Variants in HGF observed in about 807,000 individuals in gnomAD.
The protein encoded by HGF is fibroblast-derived tumor cytotoxic factor.
HGF carries 39 observed loss-of-function variants against 111.6 expected under a neutral mutation model. The observed-to-expected ratio is 0.35, with a 90% CI of 0.27 to 0.46. The LOEUF (loss-of-function observed/expected upper bound fraction) is 0.46, where lower values mean the gene tolerates loss of function less well. Ranked by LOEUF, HGF falls within the 20% of genes least tolerant of loss-of-function variation. The pLI is 1.00. For synonymous variants in HGF, 285 were observed against 294.8 expected, an observed-to-expected ratio of 0.97 and a Z score of 0.34; for missense variants, 735 against 910.5, an observed-to-expected ratio of 0.81 and a Z score of 2.48.
intron 6 of HGF, among the ~76,000 whole-genome samples, chr7:81,744,284 A>T (rs923627980): frequency 2.8e-5 from 4 of 142,098 alleles, no homozygotes; most frequent in Admixed American, 7.5e-5. Context: ...TGTAAAATAC[A>T]TGGGCAAAAG....
intron 2 of HGF, among the ~76,000 whole-genome samples, chr7:81,759,250 G>T (rs1788940379): frequency 1.3e-5 from 2 of 152,084 alleles, no homozygotes. Context: ...TGAGATATCA[G>T]GAGTAATTTA....
Position 81,728,048 on chromosome 7 carries a change from T to TG in HGF, c.1040+1556dup, listed in dbSNP as rs1404921732. On this transcript the variant is annotated intron_variant, in intron 8 of 17. Transcript: ENST00000222390. Reference sequence around the variant, plus strand: ...ATTGCCATTTTTAAGGTCTCAGTACTGGGGCAAGTGGGCAAGTAATATTTC... The same window carrying TG: ...ATTGCCATTTTTAAGGTCTCAGTACTGGGGGCAAGTGGGCAAGTAATATTTC... Among the ~76,000 whole-genome samples the TG allele has an allele frequency of 2.6e-5, 4 of 152,214 alleles. No homozygotes were observed. The East Asian group carries it at 5.8e-4, about 22-fold the overall frequency.
chr7:81,739,673 T>C lies in HGF; in HGVS notation c.865+3680A>G, dbSNP rs79182650. Among the ~76,000 whole-genome samples the C allele has an allele frequency of 5.9e-4, 90 of 152,072 alleles. 3 individuals are homozygous for C. The East Asian group carries it at 0.014, about 23-fold the overall frequency. On this transcript the variant is annotated intron_variant, in intron 7 of 17. Coordinates refer to ENST00000222390, the MANE Select transcript of HGF (RefSeq NM_000601.6). ...GCCTGGCTTCTGAGAAACACATGTATCTCAAGAAGGGACCTTTGGGAAAGA... is the reference window on the plus strand; with the variant it reads ...GCCTGGCTTCTGAGAAACACATGTACCTCAAGAAGGGACCTTTGGGAAAGA...
At chr7:81,703,061 A>C (rs1171356715) in intron 17 of HGF, among the ~76,000 whole-genome samples, 1 of 151,682 alleles carries the variant, frequency 6.6e-6, no homozygotes, top group Admixed American at 6.6e-5. Context: ...TTGGATGCAG[A>C]CTAACATATA....
rs373298029 is a variant in HGF, at chr7:81,720,786, T to C, written c.1230A>G (p.Leu410=). ...TGTTCTTGTCCCACATTGAACATGT[T>C]AGTCCAGATCTTGTTTGGGATAAGT... ...MGNLSQTRSG[L]TCSMWDKNME... is the part of the protein sequence containing the mutation. The change falls in exon 10 of 18, where the codon CTA becomes CTG. Residue 410 remains leucine (L), a synonymous_variant. Coordinates refer to ENST00000222390, the MANE Select transcript of HGF (RefSeq NM_000601.6). The C allele has an allele frequency of 4.3e-6, 7 of 1,613,474 alleles. No homozygotes were observed. The highest frequency in any genetic ancestry group is 5.1e-6 in the Non-Finnish European group (6 of 1,179,420).
intron 11 of HGF, among the ~76,000 whole-genome samples, chr7:81,714,037 C>T (rs529742982): frequency 5.1e-4 from 76 of 149,414 alleles, no homozygotes; most frequent in African/African-American, 1.7e-3. Flanking sequence ...TGTATGGCCT[C>T]AGAACCAAAC....
intron 5 of HGF, 26 bp downstream of exon 5, chr7:81,752,094 C>T (rs753963673): frequency 1.9e-6 from 3 of 1,613,014 alleles, no homozygotes; most frequent in Middle Eastern, 1.6e-4. Flanking sequence ...AATAGAATGG[C>T]CCACATGGCA....
rs192852907 is a variant in HGF at position 81,721,328 on chromosome 7, T to C, written c.1169-481A>G. Among the ~76,000 whole-genome samples the C allele has an allele frequency of 1.4e-3, 214 of 152,324 alleles. 1 individual carries two copies. Among genetic ancestry groups the C allele is most frequent in the Non-Finnish European group, 1.3e-3 (86 of 68,032 alleles). On this transcript the variant is annotated intron_variant, in intron 9 of 17. Transcript: ENST00000222390. ...TCAAATATCTCAGATTAAAAAATCT[T>C]TATTTTAAGCCCAGTATCTTCATCA... is the stretch of plus-strand genomic sequence containing the variant.
intron 2 of HGF, among the ~76,000 whole-genome samples, 176 bp downstream of exon 2, chr7:81,762,531 C>G (rs1048513215): frequency 1.3e-5 from 2 of 152,172 alleles, no homozygotes; most frequent in African/African-American, 4.8e-5. Context: ...CTCCCTTACT[C>G]AAGCTATGTT....
intron 7 of HGF, among the ~76,000 whole-genome samples, chr7:81,730,596 C>T (rs1787616445): frequency 2.6e-5 from 4 of 151,804 alleles, no homozygotes; most frequent in Admixed American, 2.6e-4. Flanking sequence ...AACTTCAATG[C>T]TTACTATACG....
chr7:81,700,438 A>G lies in HGF; in HGVS notation c.*2143T>C, dbSNP rs1562867427. The G allele has an allele frequency of 6.6e-6, 1 of 151,608 alleles. No homozygotes were observed. The highest frequency in any genetic ancestry group is 1.5e-5 in the Non-Finnish European group (1 of 67,674). 9.4% of individuals were successfully genotyped at this position (151,608 alleles called of 1,614,324 possible). A position where few individuals can be genotyped will look rare whatever the true frequency, so the allele number is the denominator to read the frequency against. ...GAAAAATACTAGCCTCAAAATGTCT[A>G]AATACTTAGCTGTATCTTGTATCTA... On this transcript the variant is annotated 3_prime_UTR_variant, in exon 18 of 18. Coordinates refer to ENST00000222390, the MANE Select transcript of HGF (RefSeq NM_000601.6).
chr7:81,769,746 T>G, intron 1 of HGF, 138 bp downstream of exon 1: 1 of 674,364 alleles, frequency 1.5e-6, no homozygotes, highest in Non-Finnish European at 2.6e-6. Flanking sequence ...AATGAGAGCT[T>G]TTAGAAACCT....
chr7:81,756,337 T>C, intron 4 of HGF: 1 of 376,710 alleles, frequency 2.7e-6, no homozygotes, highest in Non-Finnish European at 4.7e-6. Context: ...AGGTACATGG[T>C]AAAGTAAACC....
chr7:81,745,798 A>G (rs1043017247), intron 5 of HGF, among the ~76,000 whole-genome samples: 3 of 152,246 alleles, frequency 2.0e-5, no homozygotes, highest in African/African-American at 4.8e-5. Flanking sequence ...TTTAAAATGT[A>G]TAAGCTAATG....
In HGF at chr7:81,714,940, T is replaced by C. The variant is rs2115830639; in HGVS notation, c.1405+2292A>G. ...ATTTGTGGTATACATTGAAATAAAA[T>C]GATTTATCTGCAATAGTATTTAATC... On this transcript the variant is annotated intron_variant, in intron 11 of 17. Coordinates refer to ENST00000222390, the MANE Select transcript of HGF (RefSeq NM_000601.6). 2.0e-5 allele frequency among the ~76,000 whole-genome samples: 3 copies of C among 152,210 alleles called. No homozygotes were observed. The South Asian group carries it at 6.2e-4, about 32-fold the overall frequency.
rs375901177 is a variant in HGF at position 81,769,968 on chromosome 7, A to G, written c.4T>C (p.Trp2Arg). M[W>R]VTKLLPALLL... ...AGGGCTGGCAGGAGTTTGGTCACCC[A>G]CATGGTGCTGCTGGACGGGCTGGCG... The change falls in exon 1 of 18, where the codon TGG becomes CGG. Residue 2 changes from tryptophan (W) to arginine (R), a missense_variant. By Grantham distance (101) the Trp-to-Arg change is moderately radical. Around this residue, in one of 3 missense-constraint regions of HGF, gnomAD observed 553 missense variants for 685.6 expected, o/e 0.81. Transcript: ENST00000222390. 1.2e-5 allele frequency: 18 copies of G among 1,554,882 alleles called. No individual in the cohort carries two copies. Among genetic ancestry groups the G allele is most frequent in the Non-Finnish European group, 1.5e-5 (17 of 1,149,142 alleles).
intron 9 of HGF, among the ~76,000 whole-genome samples, chr7:81,721,869 A>G (rs922706865): frequency 7.0e-4 from 107 of 152,234 alleles, no homozygotes; most frequent in Non-Finnish European, 5.7e-4. Flanking sequence ...CTAATGCCAA[A>G]CAAATTTTCA....
At chr7:81,715,289 CAT>C (rs1220544801) in intron 11 of HGF, among the ~76,000 whole-genome samples, 6 of 152,036 alleles carry the variant, frequency 3.9e-5, no homozygotes, top group African/African-American at 1.4e-4. Flanking sequence ...TAGTCTTAAC[CAT>C]AGAGACTTAA....
At chr7:81,746,267 G>T (rs1788249718) in intron 5 of HGF, among the ~76,000 whole-genome samples, 1 of 152,102 alleles carries the variant, frequency 6.6e-6, no homozygotes, top group African/African-American at 2.4e-5. Context: ...TAATACATTA[G>T]CTAAGAGGCC....
Sources: gnomAD v4.1 joint callset for allele counts (sites outside exome capture counted in the v4.1 genomes callset) on GRCh38, gnomAD v4.1.1 for gene constraint, gnomAD v4.1.1 regional missense constraint, MANE v1.5 for transcripts, NCBI Gene and HGNC (gene_info 2026-07-23, HGNC 2026-07-21) for gene names.